SLC35F4: variants seen among roughly 807,000 people sequenced by gnomAD.
SLC35F4 encodes the protein solute carrier family 35 member F4.
In SLC35F4, 24 loss-of-function variants were observed where a neutral mutation model predicts 44.2. The observed-to-expected ratio is 0.54, with a 90% CI of 0.39 to 0.76. SLC35F4 has a LOEUF of 0.76. SLC35F4 is among the 30% of genes least tolerant of loss of function. The pLI, the probability that SLC35F4 is intolerant of heterozygous loss-of-function variation, is 0.00. For synonymous variants in SLC35F4, 238 were observed against 223.6 expected (o/e 1.06, Z -0.57); for missense variants, 562 against 586.1 (o/e 0.96, Z 0.42).
intron 1 of SLC35F4, among the ~76,000 whole-genome samples, chr14:57,872,328 G>A (rs1888310338): frequency 6.6e-6 from 1 of 151,992 alleles, no homozygotes; most frequent in African/African-American, 2.4e-5. Flanking sequence ...TACCAAAGTG[G>A]ACATTCATCC....
chr14:57,567,800 T>G (rs952208826), intron 6 of SLC35F4, among the ~76,000 whole-genome samples: 14 of 152,236 alleles, frequency 9.2e-5, no homozygotes, highest in African/African-American at 3.4e-4. Context: ...TGAGTTTAAG[T>G]GCAATTCAGA....
At chr14:57,621,207 A>C (rs1482305562) in intron 1 of SLC35F4, among the ~76,000 whole-genome samples, 2 of 150,884 alleles carry the variant, frequency 1.3e-5, no homozygotes, top group Admixed American at 1.3e-4. Context: ...GCTCATGGGT[A>C]GGAAGAATCA....
chr14:57,735,005 T>C (rs1330834021), intron 1 of SLC35F4, among the ~76,000 whole-genome samples: 1 of 152,032 alleles, frequency 6.6e-6, no homozygotes, highest in African/African-American at 2.4e-5. Flanking sequence ...CTGATTATTC[T>C]ATATGGAGCC....
At chr14:57,911,934 T>C (rs1159811268) in intron 1 of SLC35F4, among the ~76,000 whole-genome samples, 1 of 152,012 alleles carries the variant, frequency 6.6e-6, no homozygotes, top group Admixed American at 6.6e-5. Flanking sequence ...GGAAGGTTAT[T>C]AATTATTGAT....
chr14:57,655,937 G>A (rs1360324865), intron 1 of SLC35F4, among the ~76,000 whole-genome samples: 15 of 152,002 alleles, frequency 9.9e-5, no homozygotes, highest in Admixed American at 5.9e-4. Flanking sequence ...ATGTGTGATC[G>A]TCTAATCTCA....
intron 1 of SLC35F4, among the ~76,000 whole-genome samples, chr14:57,741,640 G>A (rs1823151084): frequency 6.6e-6 from 1 of 152,172 alleles, no homozygotes; most frequent in Admixed American, 6.5e-5. Flanking sequence ...CTGGGAGAAT[G>A]GAACCAAGTT....
chr14:57,618,905 A>G (rs2140083330), intron 1 of SLC35F4, among the ~76,000 whole-genome samples: 1 of 152,286 alleles, frequency 6.6e-6, no homozygotes, highest in South Asian at 2.1e-4. Flanking sequence ...TTACACTCAC[A>G]GTGTAAACAA....
intron 1 of SLC35F4, among the ~76,000 whole-genome samples, chr14:57,840,070 T>A (rs1395098871): frequency 1.3e-5 from 2 of 152,232 alleles, no homozygotes; most frequent in Non-Finnish European, 2.9e-5. Context: ...CCGTGCTTAA[T>A]GTTTTTTACA....
At position 57,571,657 on chromosome 14, in the gene SLC35F4, G is replaced by A. The variant is rs186432638; in HGVS notation, c.933+237C>T. Among the ~76,000 whole-genome samples, 11 of 152,258 alleles carry A rather than the reference G, an allele frequency of 7.2e-5. No homozygotes were observed. In the East Asian group the frequency reaches 2.1e-3, roughly 29 times the overall value. On this transcript the variant is annotated intron_variant, in intron 5 of 7. Transcript: ENST00000556826. ...GGGGCAAGTTATGTAATCTTTCAAA[G>A]CCTCAGTTTCCTCATCTGGAAAGTG...
chr14:57,891,409 C>A (rs1486755862), intron 1 of SLC35F4, among the ~76,000 whole-genome samples: 2 of 152,062 alleles, frequency 1.3e-5, no homozygotes, highest in African/African-American at 4.8e-5. Context: ...CTCAGCTACT[C>A]AGGAGGCAAG....
At chr14:57,606,598 C>T (rs751253817) in intron 1 of SLC35F4, among the ~76,000 whole-genome samples, 1 of 152,134 alleles carries the variant, frequency 6.6e-6, no homozygotes, top group Non-Finnish European at 1.5e-5. Flanking sequence ...GCTTATTTAC[C>T]TACATACAAG....
intron 1 of SLC35F4, among the ~76,000 whole-genome samples, chr14:57,817,621 T>C (rs1471602338): frequency 2.0e-5 from 3 of 152,050 alleles, no homozygotes; most frequent in Non-Finnish European, 4.4e-5. Context: ...AGAATACATA[T>C]GAGACAGGTC....
At chr14:57,982,696 TA>T (rs971795534), upstream of SLC35F4, among the ~76,000 whole-genome samples, 1 of 151,968 alleles carries the variant, frequency 6.6e-6, no homozygotes, top group African/African-American at 2.4e-5. Context: ...TGCACTCTTC[TA>T]AAAAAAATCT....
chr14:57,765,726 C>T (rs1289548806), intron 1 of SLC35F4, among the ~76,000 whole-genome samples: 2 of 152,030 alleles, frequency 1.3e-5, no homozygotes, highest in Non-Finnish European at 2.9e-5. Context: ...AATGAGTTGC[C>T]AGATAATTTC....
intron 1 of SLC35F4, among the ~76,000 whole-genome samples, chr14:57,644,197 A>C (rs2073386050): frequency 6.6e-6 from 1 of 152,122 alleles, no homozygotes; most frequent in Non-Finnish European, 1.5e-5. Context: ...CGCCACACTG[A>C]CTTCCACAGT....
At chr14:57,925,362 G>GT (rs34542432) in intron 1 of SLC35F4, among the ~76,000 whole-genome samples, 29,960 of 151,816 alleles carry the variant, frequency 0.2, 3,138 homozygotes, top group East Asian at 0.27. Context: ...ATAATGAAGA[G>GT]TTTTTTTGAA....
At chr14:57,611,144 G>A (rs1037478835) in intron 1 of SLC35F4, among the ~76,000 whole-genome samples, 1 of 152,212 alleles carries the variant, frequency 6.6e-6, no homozygotes, top group African/African-American at 2.4e-5. Flanking sequence ...AGACCCTGTG[G>A]TGGGGAGAGT....
chr14:57,832,710 A>G (rs1166373626), intron 1 of SLC35F4, among the ~76,000 whole-genome samples: 3 of 152,210 alleles, frequency 2.0e-5, no homozygotes, highest in African/African-American at 7.2e-5. Flanking sequence ...CAATTTTTGC[A>G]TGTTCTGGCT....
intron 1 of SLC35F4, among the ~76,000 whole-genome samples, chr14:57,771,336 T>C (rs913454271): frequency 6.6e-6 from 1 of 152,154 alleles, no homozygotes; most frequent in African/African-American, 2.4e-5. Flanking sequence ...TTTCTCTGCC[T>C]TCCATCCATA....
Sources: gnomAD v4.1 joint callset for allele counts (sites outside exome capture counted in the v4.1 genomes callset) on GRCh38, gnomAD v4.1.1 for gene constraint, MANE v1.5 for transcripts, NCBI Gene and HGNC (gene_info 2026-07-23, HGNC 2026-07-21) for gene names.